PARP14: variants seen among roughly 807,000 people sequenced by gnomAD.
PARP14 encodes poly(ADP-ribose) polymerase family member 14.
A neutral mutation model predicts 154.2 loss-of-function variants in PARP14; 59 were observed. The ratio of observed to expected loss-of-function variants is 0.38; its 90% CI spans 0.31 to 0.48. The LOEUF (loss-of-function observed/expected upper bound fraction) is 0.48, where lower values mean the gene tolerates loss of function less well. Ranked by LOEUF, PARP14 falls within the 20% of genes least tolerant of loss-of-function variation. PARP14 has a pLI of 0.98. For missense variants in PARP14, 1,734 were observed against 2,131.6 expected, an observed-to-expected ratio of 0.81 and a Z score of 3.67; for synonymous variants, 720 against 780.5, an observed-to-expected ratio of 0.92 and a Z score of 1.29.
rs770487105 is a variant in PARP14 at position 122,713,949 on chromosome 3, AT to A, written c.3832+21del. 7 of 1,603,386 alleles carry A rather than the reference AT, an allele frequency of 4.4e-6. No homozygotes were observed. The South Asian group carries it at 5.5e-5, about 13-fold the overall frequency. ...TTCTCAGCAAGGTAAGGCATATTCT[AT>A]TTTTTGGTCCTAAGTTGTAATTGTA... On this transcript the variant is annotated intron_variant, in intron 11 of 16. Transcript: ENST00000474629.
chr3:122,683,166 T>C (rs1346790679), intron 1 of PARP14: 1 of 233,430 alleles, frequency 4.3e-6, no homozygotes, highest in Admixed American at 6.5e-5. Flanking sequence ...TTCAGTTTCC[T>C]ACTTGAGGAA....
chr3:122,708,202 G>A lies in PARP14; in HGVS notation c.3553G>A (p.Glu1185Lys). 1 of 1,558,084 alleles carries A rather than the reference G, an allele frequency of 6.4e-7. No homozygotes were observed. Among genetic ancestry groups the A allele is most frequent in the East Asian group, 2.3e-5 (1 of 43,308 alleles). ...GTTTATATTTCAGGCATTTTCAGAT[G>A]AATTTGCCAGAAGGGCTAATGGAAA... ...DHENIQAFSD[E>K]FARRANGNLV... Residue 1185 changes from glutamate to lysine, a missense_variant, in exon 9 of 17, where the codon GAA becomes AAA. Glu to Lys is a moderately conservative substitution (Grantham distance 56, BLOSUM62 1). Coordinates refer to ENST00000474629, the MANE Select transcript of PARP14 (RefSeq NM_017554.3).
At chr3:122,686,549 C>T (rs1938379512) in intron 2 of PARP14, among the ~76,000 whole-genome samples, 1 of 152,114 alleles carries the variant, frequency 6.6e-6, no homozygotes, top group African/African-American at 2.4e-5. Flanking sequence ...ATCTTGAACT[C>T]CTGGGCTCAA....
chr3:122,708,983 G>A (rs576830143), intron 9 of PARP14, among the ~76,000 whole-genome samples: 1 of 152,198 alleles, frequency 6.6e-6, no homozygotes, highest in Non-Finnish European at 1.5e-5. Flanking sequence ...GTTCTAAAAT[G>A]TCTATTTGGT....
Position 122,691,599 on chromosome 3 carries a change from A to G in PARP14, c.356-702A>G, listed in dbSNP as rs79532594. The stretch of plus-strand genomic sequence containing the variant: ...TACCCATGTTTGGGCATCATCAGAT[A>G]GTCTTGCTTTCCTCCAGTGACCCAA... On this transcript the variant is annotated intron_variant, in intron 3 of 16. Transcript: ENST00000474629. Among the ~76,000 whole-genome samples the G allele has an allele frequency of 1.0e-2, 1,517 of 152,324 alleles. 29 individuals are homozygous for G. The highest frequency in any genetic ancestry group is 0.034 in the African/African-American group (1,412 of 41,562).
rs1256256844 is a variant in PARP14 at position 122,695,688 on chromosome 3, T to C, written c.835+26T>C. The C allele has an allele frequency of 2.8e-6, 3 of 1,077,972 alleles. No homozygotes were observed. In the South Asian group the frequency reaches 4.0e-5, roughly 14 times the overall value. 66.8% of individuals were successfully genotyped at this position (1,077,972 alleles called of 1,614,324 possible). A position where few individuals can be genotyped will look rare whatever the true frequency, so the allele number is the denominator to read the frequency against. ...GTAATATTTATTAACCTGTCATACC[T>C]GGCATAATCTAGGCCATTATTAGCA... On this transcript the variant is annotated intron_variant, in intron 5 of 16. Transcript: ENST00000474629.
At chr3:122,713,687 T>A in intron 10 of PARP14, 114 bp downstream of exon 10, 1 of 1,020,652 alleles carries the variant, frequency 9.8e-7, no homozygotes, top group Non-Finnish European at 1.5e-6. Context: ...ACTTTTAAAT[T>A]ATGCTGACAG....
At position 122,699,406 on chromosome 3, in the gene PARP14, G is replaced by A. The variant is rs771760287; in HGVS notation, c.852G>A (p.Met284Ile). 10 of 1,607,096 alleles carry A rather than the reference G, an allele frequency of 6.2e-6. No homozygotes were observed. The South Asian group carries it at 1.1e-4, about 18-fold the overall frequency. The change falls in exon 6 of 17, where the codon ATG (methionine) becomes ATA (isoleucine). Residue 284 changes from methionine to isoleucine, a missense_variant. Around this residue, in one of 2 missense-constraint regions of PARP14, gnomAD observed 1,646 missense variants for 1,976.0 expected, o/e 0.83. Transcript: ENST00000474629. ...FFDRKVLDTI[M>I]ATKLDFNKMP... ...CCTTTTAAGTGTTAGACACCATCAT[G>A]GCCACAAAACTCGACTTCAATAAAA...
In PARP14 at chr3:122,692,390, T is replaced by A; in HGVS notation, c.445T>A (p.Ser149Thr). The change falls in exon 4 of 17, where the codon TCT becomes ACT. Residue 149 changes from serine to threonine, a missense_variant. By Grantham distance (58) the Ser-to-Thr change is moderately conservative (BLOSUM62 1). Transcript: ENST00000474629. The stretch of plus-strand genomic sequence containing the variant: ...CCCAGAGGAATGTGAAAATATTTCC[T>A]CTTTGGTGGCATTTGAAAACCTCAA... ...DIPEECENIS[S>T]LVAFENLKAN... The A allele has an allele frequency of 6.2e-7, 1 of 1,613,844 alleles. No individual in the cohort carries two copies. Among genetic ancestry groups the A allele is most frequent in the Non-Finnish European group, 8.5e-7 (1 of 1,179,766 alleles).
chr3:122,689,994 C>T (rs560419734), intron 3 of PARP14, among the ~76,000 whole-genome samples: 5 of 152,298 alleles, frequency 3.3e-5, no homozygotes, highest in African/African-American at 1.2e-4. Context: ...TTCCCTCTAG[C>T]CCACTTTTCT....
Position 122,699,469 on chromosome 3 carries a change from C to G in PARP14, c.915C>G (p.Gly305=). The change falls in exon 6 of 17, where the codon GGC becomes GGG. Residue 305 remains glycine, a synonymous_variant. Coordinates refer to ENST00000474629, the MANE Select transcript of PARP14 (RefSeq NM_017554.3). ...TGTTCCCATACTATGCCTCATTGGG[C>G]ACAGCCTTGTATGGAAAGGAGAAGC... is the stretch of plus-strand genomic sequence containing the variant. ...LSVFPYYASL[G]TALYGKEKPL... The G allele has an allele frequency of 6.2e-7, 1 of 1,613,692 alleles. No homozygotes were observed. The highest frequency in any genetic ancestry group is 8.5e-7 in the Non-Finnish European group (1 of 1,179,588).
chr3:122,687,990 A>G (rs1025409703), intron 3 of PARP14, among the ~76,000 whole-genome samples: 1 of 152,218 alleles, frequency 6.6e-6, no homozygotes, highest in Non-Finnish European at 1.5e-5. Flanking sequence ...ATAGAGATAT[A>G]TGGCTTATTT....
At position 122,700,872 on chromosome 3, in the gene PARP14, T is replaced by G. The variant is rs770097343; in HGVS notation, c.2318T>G (p.Ile773Ser). 3.1e-6 allele frequency: 5 copies of G among 1,613,994 alleles called. No homozygotes were observed. The highest frequency in any genetic ancestry group is 4.2e-6 in the Non-Finnish European group (5 of 1,179,890). Residue 773 changes from isoleucine to serine, a missense_variant, in exon 6 of 17, where the codon ATT becomes AGT. By Grantham distance (142) the Ile-to-Ser change is moderately radical (BLOSUM62 -2). Transcript: ENST00000474629. ...SEIKRLFGCY[I>S]ELQENEVMKE... ...ATCAAACGGTTGTTTGGTTGTTACA[T>G]TGAACTACAGGAGAATGAAGTAATG... is the stretch of plus-strand genomic sequence containing the variant.
chr3:122,697,741 T>C (rs927370721), intron 5 of PARP14, among the ~76,000 whole-genome samples: 1 of 152,258 alleles, frequency 6.6e-6, no homozygotes, highest in African/African-American at 2.4e-5. Flanking sequence ...CACCTATGTC[T>C]GTAAGATCTT....
chr3:122,722,875 A>G (rs942088234), intron 15 of PARP14, among the ~76,000 whole-genome samples: 12 of 152,344 alleles, frequency 7.9e-5, no homozygotes, highest in African/African-American at 2.9e-4. Flanking sequence ...AATTATGGCA[A>G]TGCCATTATC....
At chr3:122,699,366 T>C in intron 5 of PARP14, 24 bp from the exon 6 acceptor site, 1 of 1,473,950 alleles carries the variant, frequency 6.8e-7, no homozygotes, top group Non-Finnish European at 9.3e-7. Flanking sequence ...TGGGCTTACA[T>C]TATTTTACTT....
In PARP14 at chr3:122,695,520, G is replaced by A. The variant is rs1289004497; in HGVS notation, c.693G>A (p.Arg231=). The change falls in exon 5 of 17, where the codon AGG becomes AGA. Residue 231 remains arginine, a synonymous_variant. Coordinates refer to ENST00000474629, the MANE Select transcript of PARP14 (RefSeq NM_017554.3). ...TTCTGGAAGTGACAAACACAATCAG[G>A]GTTGAAAACCTGCCACCTGGTGCTG... The part of the protein sequence containing the change: ...PRLLEVTNTI[R]VENLPPGADD... 1 of 1,610,110 alleles carries A rather than the reference G, an allele frequency of 6.2e-7. No individual in the cohort carries two copies. Among genetic ancestry groups the A allele is most frequent in the Non-Finnish European group, 8.5e-7 (1 of 1,177,336 alleles).
chr3:122,702,868 T>TA (rs1451381722), intron 6 of PARP14, among the ~76,000 whole-genome samples: 2 of 152,006 alleles, frequency 1.3e-5, no homozygotes, highest in African/African-American at 2.4e-5. Flanking sequence ...CTCATACCTG[T>TA]AGTCCTTACT....
At position 122,704,624 on chromosome 3, in the gene PARP14, T is replaced by G; in HGVS notation, c.3416T>G (p.Phe1139Cys). 1 of 1,607,226 alleles carries G rather than the reference T, an allele frequency of 6.2e-7. No individual in the cohort carries two copies. Reference protein sequence around the residue: ...FPAIGTGNLGFPKNIFAELII... With the variant: ...FPAIGTGNLGCPKNIFAELII... ...GCAATAGGAACAGGAAACTTGGGAT[T>G]TCCTAAAAACATATTCGCTGAATTA... Residue 1139 changes from phenylalanine to cysteine, a missense_variant, in exon 8 of 17, where the codon TTT becomes TGT. Physicochemically the swap from Phe to Cys is radical, Grantham distance 205 (BLOSUM62 -2). Transcript: ENST00000474629.
Sources: allele counts gnomAD v4.1 joint callset (sites outside exome capture counted in the v4.1 genomes callset), GRCh38; gene constraint gnomAD v4.1.1; regional missense constraint gnomAD v4.1.1; transcripts MANE v1.5; gene names NCBI Gene and HGNC (gene_info 2026-07-23, HGNC 2026-07-21).